The following DHX38 variants were observed in gnomAD, a reference collection of about 807,000 sequenced individuals.
DHX38 encodes the protein pre-mRNA-splicing factor ATP-dependent RNA helicase PRP16.
DHX38 carries 100 observed loss-of-function variants against 153.1 expected under a neutral mutation model. The observed-to-expected ratio is 0.65, with a 90% CI of 0.56 to 0.77. The LOEUF (loss-of-function observed/expected upper bound fraction) is 0.77, where lower values mean the gene tolerates loss of function less well. Among genes scored for constraint, DHX38 ranks in the 30% least tolerant of loss-of-function variants. The pLI is 0.00. For synonymous variants in DHX38, 650 were observed against 631.7 expected (o/e 1.03, Z -0.43); for missense variants, 1,440 against 1,654.0 (o/e 0.87, Z 2.24).
At chr16:72,112,336 G>A in intron 26 of DHX38, 77 bp from the exon 27 acceptor site, 1 of 1,437,348 alleles carries the variant, frequency 7.0e-7, no homozygotes, top group East Asian at 2.3e-5. Context: ...AGTAAGTCCT[G>A]GGGCTCTGCA....
At chr16:72,109,601 C>CCACTTA (rs2144177702) in intron 25 of DHX38, 91 bp downstream of exon 25, 3 of 1,182,230 alleles carry the variant, frequency 2.5e-6, no homozygotes, top group Non-Finnish European at 3.5e-6. Context: ...GTCATCCAAC[C>CCACTTA]CACTTACTTC....
At chr16:72,094,684 T>TAAGG (rs1326087825) in intron 1 of DHX38, among the ~76,000 whole-genome samples, 3 of 152,248 alleles carry the variant, frequency 2.0e-5, no homozygotes, top group Non-Finnish European at 2.9e-5. Context: ...GCTGTCTCCT[T>TAAGG]GTCCTGTGTT....
chr16:72,101,568 A>G lies in DHX38; in HGVS notation c.1455A>G (p.Glu485=). ...LGDIMGVKKE[E]EPDKAVTEDG... Reference sequence around the variant, plus strand: ...ATATAATGGGCGTCAAGAAGGAGGAAGAGCCAGATAAAGCTGTGACGGAGG... The same window carrying G: ...ATATAATGGGCGTCAAGAAGGAGGAGGAGCCAGATAAAGCTGTGACGGAGG... The change falls in exon 11 of 27, where the codon GAA becomes GAG. Residue 485 remains glutamate (E), a synonymous_variant. Transcript: ENST00000268482. The G allele has an allele frequency of 2.6e-6, 4 of 1,551,476 alleles. No individual in the cohort carries two copies. The highest frequency in any genetic ancestry group is 1.2e-5 in the South Asian group (1 of 84,068).
intron 26 of DHX38, among the ~76,000 whole-genome samples, chr16:72,111,318 A>G (rs1371810902): frequency 6.6e-6 from 1 of 152,222 alleles, no homozygotes; most frequent in African/African-American, 2.4e-5. Flanking sequence ...GAGTAGCAGG[A>G]TGGGTTTCAC....
At chr16:72,105,832 TCAGA>T (rs2042168442) in intron 18 of DHX38, among the ~76,000 whole-genome samples, 169 bp from the exon 19 acceptor site, 1 of 152,180 alleles carries the variant, frequency 6.6e-6, no homozygotes, top group South Asian at 2.1e-4. Context: ...ACAGTAGAGC[TCAGA>T]GAGCTGGTGT....
chr16:72,105,246 G>A lies in DHX38; in HGVS notation c.2277G>A (p.Gln759=), dbSNP rs2042158669. ...GQEDIEVTSD[Q]IVEHLEELEN... is the part of the protein sequence containing the mutation. The stretch of plus-strand genomic sequence containing the variant: ...TGGGCTCTCAGGTGACCTCAGACCA[G>A]ATTGTGGAGCATCTGGAGGAACTGG... The change falls in exon 17 of 27, where the codon CAG becomes CAA. Residue 759 remains glutamine, a synonymous_variant. Transcript: ENST00000268482. 5.6e-6 allele frequency: 9 copies of A among 1,614,096 alleles called. No homozygotes were observed. Among genetic ancestry groups the A allele is most frequent in the Middle Eastern group, 1.6e-4 (1 of 6,084 alleles).
chr16:72,100,676 A>G, intron 9 of DHX38, 79 bp downstream of exon 9: 1 of 1,560,894 alleles, frequency 6.4e-7, no homozygotes, highest in Non-Finnish European at 8.7e-7. Context: ...CATGCCTGTC[A>G]TCCCGGCACT....
At chr16:72,095,878 G>A (rs903075678) in intron 1 of DHX38, among the ~76,000 whole-genome samples, 7 of 150,704 alleles carry the variant, frequency 4.6e-5, no homozygotes, top group Non-Finnish European at 8.9e-5. Flanking sequence ...TGTGGGGGCT[G>A]GGGAGGAATG....
At chr16:72,100,073 G>A (rs1371111000) in intron 8 of DHX38, among the ~76,000 whole-genome samples, 186 bp downstream of exon 8, 2 of 152,110 alleles carry the variant, frequency 1.3e-5, no homozygotes, top group African/African-American at 2.4e-5. Flanking sequence ...GCCCCGGCTC[G>A]TACTTCTCTC....
Position 72,108,860 on chromosome 16 carries a change from TC to T in DHX38, c.3319del (p.Leu1107PhefsTer11). ...GCCCTGCCACTTGCACCCCACCAGC[TC>T]CCTTTTTGGAATGGGCTACACCCCA... The part of the protein sequence containing the change: ...GMPCHLHPTS[S>X]LFGMGYTPDY... On this transcript the variant is annotated frameshift_variant, in exon 24 of 27. Transcript: ENST00000268482. LOFTEE classifies it high-confidence loss of function. The T allele has an allele frequency of 1.2e-6, 2 of 1,613,994 alleles. No individual in the cohort carries two copies. Among genetic ancestry groups the T allele is most frequent in the Non-Finnish European group, 1.7e-6 (2 of 1,180,000 alleles).
In DHX38 at chr16:72,097,749, A is replaced by T; in HGVS notation, c.584A>T (p.Asn195Ile). ...GGGTCAGAGCGTAGCAGCAGAAGAA[A>T]TGAACCCGAGAGCCCACGACATCGA... is the stretch of plus-strand genomic sequence containing the variant. ...DGGSERSSRR[N>I]EPESPRHRPK... Residue 195 changes from asparagine (N) to isoleucine (I), a missense_variant, in exon 4 of 27, where the codon AAT (asparagine) becomes ATT (isoleucine). Transcript: ENST00000268482. 6.2e-7 allele frequency: 1 copy of T among 1,614,116 alleles called. No individual in the cohort carries two copies. Among genetic ancestry groups the T allele is most frequent in the Non-Finnish European group, 8.5e-7 (1 of 1,179,986 alleles).
chr16:72,096,315 T>C lies in DHX38; in HGVS notation c.158T>C (p.Leu53Ser). 1.2e-6 allele frequency: 2 copies of C among 1,614,190 alleles called. No homozygotes were observed. Among genetic ancestry groups the C allele is most frequent in the Non-Finnish European group, 8.5e-7 (1 of 1,180,026 alleles). Residue 53 changes from leucine to serine, a missense_variant, in exon 2 of 27, where the codon TTG (leucine) becomes TCG (serine). Transcript: ENST00000268482. ...CGCCCTTCATTACTCGGACTGGACT[T>C]GCTGGCTTCCCTGAAACGGAGAGAG... is the stretch of plus-strand genomic sequence containing the variant. ...APRPSLLGLD[L>S]LASLKRRERE...
intron 25 of DHX38, among the ~76,000 whole-genome samples, chr16:72,110,046 A>T (rs1158565213): frequency 1.3e-5 from 2 of 152,192 alleles, no homozygotes; most frequent in Non-Finnish European, 2.9e-5. Context: ...ATTTATCTCA[A>T]AGATAACTTC....
chr16:72,104,330 G>T lies in DHX38; in HGVS notation c.2011-156G>T. 2 of 1,227,278 alleles carry T rather than the reference G, an allele frequency of 1.6e-6. No homozygotes were observed. The highest frequency in any genetic ancestry group is 2.2e-6 in the Non-Finnish European group (2 of 900,642). 76.0% of individuals were successfully genotyped at this position (1,227,278 alleles called of 1,614,324 possible). A position where few individuals can be genotyped will look rare whatever the true frequency, so the allele number is the denominator to read the frequency against. The stretch of plus-strand genomic sequence containing the variant: ...AGGGTGGCTTGGGGTTTTCTGGGCA[G>T]TGGCTCCATTGCTTCAGTCTTCATG... On this transcript the variant is annotated intron_variant, in intron 14 of 26. Coordinates refer to ENST00000268482, the MANE Select transcript of DHX38 (RefSeq NM_014003.4). This position sits in a 1 kb window ranked among gnomAD's most constrained non-coding sequence, Gnocchi z 4.5.
chr16:72,112,328 TAAG>T, intron 26 of DHX38, 82 bp from the exon 27 acceptor site: 1 of 1,367,726 alleles, frequency 7.3e-7, no homozygotes, highest in Non-Finnish European at 1.0e-6. Flanking sequence ...TTAGGAACAG[TAAG>T]TCCTGGGGCT....
intron 1 of DHX38, among the ~76,000 whole-genome samples, chr16:72,095,314 A>T (rs1230561683): frequency 2.0e-5 from 3 of 152,216 alleles, no homozygotes; most frequent in Non-Finnish European, 4.4e-5. Flanking sequence ...ATTTTTGGTG[A>T]ACATGGATTG....
intron 11 of DHX38, among the ~76,000 whole-genome samples, chr16:72,102,522 G>A (rs542871086): frequency 6.6e-6 from 1 of 152,268 alleles, no homozygotes; most frequent in Admixed American, 6.5e-5. Flanking sequence ...GACATTGAGA[G>A]CTTTCAGTAG....
Position 72,104,252 on chromosome 16 carries a change from C to T in DHX38, c.2010+121C>T. On this transcript the variant is annotated intron_variant, in intron 14 of 26. Coordinates refer to ENST00000268482, the MANE Select transcript of DHX38 (RefSeq NM_014003.4). This position sits in a 1 kb window ranked among gnomAD's most constrained non-coding sequence, Gnocchi z 4.5. ...CTGGTAGGCCAGAGGTTCCTGAGGC[C>T]TCTGGTTGCAGTTCAGACTCGGGTT... 2 of 1,329,258 alleles carry T rather than the reference C, an allele frequency of 1.5e-6. No homozygotes were observed. Among genetic ancestry groups the T allele is most frequent in the South Asian group, 2.8e-5 (2 of 71,000 alleles). The allele number at this position is 1,329,258 out of a possible 1,614,324, so 82.3% of individuals were successfully genotyped here.
intron 11 of DHX38, 25 bp downstream of exon 11, chr16:72,101,637 A>G (rs1376734059): frequency 1.9e-6 from 3 of 1,544,112 alleles, no homozygotes; most frequent in Non-Finnish European, 1.8e-6. Context: ...CCAGCAGCAC[A>G]TCAGCCTTGC....
Sources: gnomAD v4.1 joint callset for allele counts (sites outside exome capture counted in the v4.1 genomes callset) on GRCh38, gnomAD v4.1.1 for gene constraint, Gnocchi (gnomAD v3.1) non-coding constraint, MANE v1.5 for transcripts, NCBI Gene and HGNC (gene_info 2026-07-23, HGNC 2026-07-21) for gene names.